ASTN2: variants seen among roughly 807,000 people sequenced by gnomAD.
ASTN2 encodes astrotactin 2.
ASTN2 carries 54 observed loss-of-function variants against 139.8 expected under a neutral mutation model. That is an observed-to-expected ratio of 0.39 (90% CI 0.31 to 0.48). The LOEUF (loss-of-function observed/expected upper bound fraction) is 0.48. ASTN2 is among the 20% of genes least tolerant of loss of function. The pLI is 0.95. For missense variants in ASTN2, 1,565 were observed against 1,725.1 expected, an observed-to-expected ratio of 0.91 and a Z score of 1.64; for synonymous variants, 756 against 719.5, an observed-to-expected ratio of 1.05 and a Z score of -0.81.
At chr9:117,042,388 A>T (rs1028822995) in intron 5 of ASTN2, among the ~76,000 whole-genome samples, 1 of 152,220 alleles carries the variant, frequency 6.6e-6, no homozygotes, top group Non-Finnish European at 1.5e-5. Context: ...ATTTAAGAAC[A>T]AGACCCTTGT....
intron 16 of ASTN2, chr9:116,700,032 T>G: frequency 2.6e-6 from 1 of 386,376 alleles, no homozygotes; most frequent in Non-Finnish European, 4.9e-6. Context: ...AATTTGCCCT[T>G]GTATTAAATC....
chr9:116,823,637 C>T (rs1220553658), intron 11 of ASTN2, among the ~76,000 whole-genome samples: 1 of 152,204 alleles, frequency 6.6e-6, no homozygotes. Flanking sequence ...ACACTCACTT[C>T]CCTTCAGGTT....
intron 2 of ASTN2, among the ~76,000 whole-genome samples, chr9:117,227,324 G>T (rs1259799535): frequency 6.6e-6 from 1 of 152,094 alleles, no homozygotes; most frequent in African/African-American, 2.4e-5. Context: ...TGTTAACTTT[G>T]TTCATGGCCT....
chr9:117,115,453 G>A (rs568708606), intron 4 of ASTN2, among the ~76,000 whole-genome samples: 38 of 152,050 alleles, frequency 2.5e-4, no homozygotes, highest in Non-Finnish European at 5.0e-4. Flanking sequence ...GGATGCAAAG[G>A]TTGAGGTTGC....
intron 16 of ASTN2, among the ~76,000 whole-genome samples, chr9:116,725,166 C>A (rs10983326): frequency 0.23 from 34,297 of 152,078 alleles, 4,158 homozygotes; most frequent in Admixed American, 0.34. Flanking sequence ...GAATAACCTT[C>A]ACAAGGTGAG....
At position 117,317,536 on chromosome 9, in the gene ASTN2, G is replaced by C. The variant is rs145373806; in HGVS notation, c.443-26023C>G. ...GGATAACTGGTTCCAAGATAGCTAA[G>C]TCTCCTGCCCATAGTTAGTTAATGG... On this transcript the variant is annotated intron_variant, in intron 1 of 22. Transcript: ENST00000313400. 9.2e-5 allele frequency among the ~76,000 whole-genome samples: 14 copies of C among 152,288 alleles called. No homozygotes were observed. In the East Asian group the frequency reaches 2.7e-3, roughly 29 times the overall value.
intron 20 of ASTN2, among the ~76,000 whole-genome samples, chr9:116,447,685 C>T (rs1051713902): frequency 6.6e-6 from 1 of 152,206 alleles, no homozygotes; most frequent in East Asian, 1.9e-4. Context: ...TATTAAAACT[C>T]ACCATGAAGG....
intron 19 of ASTN2, among the ~76,000 whole-genome samples, chr9:116,499,624 C>T (rs1849788947): frequency 6.6e-6 from 1 of 152,106 alleles, no homozygotes; most frequent in Non-Finnish European, 1.5e-5. Context: ...TCTTAGTCAC[C>T]ACCTGAGCCC....
Position 117,141,332 on chromosome 9 carries a change from A to T in ASTN2, c.1162T>A (p.Ser388Thr). The T allele has an allele frequency of 7.3e-7, 1 of 1,367,064 alleles. No homozygotes were observed. Among genetic ancestry groups the T allele is most frequent in the Non-Finnish European group, 9.8e-7 (1 of 1,021,636 alleles). The allele number at this position is 1,367,064 out of a possible 1,614,324, so 84.7% of individuals were successfully genotyped here. ...ATGTGCCAGGAGGGCCTACCTCGAG[A>T]CTTGCTCCTCCGCTTCCTCTTCCCT... ...SAGKRKRRSK[S>T]RGGISFGRAK... Residue 388 changes from serine (S) to threonine (T), a missense_variant, in exon 4 of 23, where the codon TCT becomes ACT. By Grantham distance (58) the Ser-to-Thr change is moderately conservative. Coordinates refer to ENST00000313400, the MANE Select transcript of ASTN2 (RefSeq NM_001365068.1).
At chr9:117,354,552 T>C (rs371978621) in intron 1 of ASTN2, among the ~76,000 whole-genome samples, 2 of 152,166 alleles carry the variant, frequency 1.3e-5, no homozygotes, top group African/African-American at 4.8e-5. Context: ...ATGCACTGAG[T>C]AAGTATCACA....
At chr9:116,840,946 C>T (rs1281394234) in intron 11 of ASTN2, among the ~76,000 whole-genome samples, 11 of 151,914 alleles carry the variant, frequency 7.2e-5, no homozygotes, top group African/African-American at 1.5e-4. Context: ...GGCGGCCAGG[C>T]GGAGAAGCTC....
At position 116,492,850 on chromosome 9, in the gene ASTN2, G is replaced by A. The variant is rs1408133768; in HGVS notation, c.3356-5350C>T. 5.3e-5 allele frequency among the ~76,000 whole-genome samples: 8 copies of A among 152,190 alleles called. No individual in the cohort carries two copies. The East Asian group carries it at 1.4e-3, about 26-fold the overall frequency. ...CTAATATGTCATATATTTTAACAGT[G>A]GTTTGCAGATTATAACATAGAGAAC... is the stretch of plus-strand genomic sequence containing the variant. On this transcript the variant is annotated intron_variant, in intron 19 of 22. Transcript: ENST00000313400.
intron 10 of ASTN2, among the ~76,000 whole-genome samples, chr9:116,944,135 CAA>C (rs897909589): frequency 6.6e-6 from 1 of 151,810 alleles, no homozygotes; most frequent in African/African-American, 2.4e-5. Flanking sequence ...CTCCATTTTA[CAA>C]AAAAGAGAAC....
At chr9:116,565,388 C>CTCCAT (rs1564120372) in intron 19 of ASTN2, among the ~76,000 whole-genome samples, 3 of 34,020 alleles carry the variant, frequency 8.8e-5, no homozygotes, top group Non-Finnish European at 1.5e-4. Context: ...TCTCTCTCTC[C>CTCCAT]ATATATATAT....
intron 5 of ASTN2, among the ~76,000 whole-genome samples, chr9:117,042,319 C>G (rs887216777): frequency 2.6e-5 from 4 of 152,120 alleles, no homozygotes; most frequent in African/African-American, 9.7e-5. Flanking sequence ...AAGATCCCAC[C>G]TTCATCATCT....
intron 2 of ASTN2, among the ~76,000 whole-genome samples, chr9:117,272,158 C>T (rs1834081450): frequency 6.6e-6 from 1 of 152,250 alleles, no homozygotes; most frequent in Non-Finnish European, 1.5e-5. Context: ...GGTTCCCAAA[C>T]CTCAATTCTT....
intron 13 of ASTN2, among the ~76,000 whole-genome samples, chr9:116,757,260 C>T (rs962162363): frequency 3.3e-5 from 5 of 152,196 alleles, no homozygotes; most frequent in African/African-American, 7.2e-5. Flanking sequence ...GGAGTGCCTT[C>T]CTGCTCTGTC....
At chr9:116,575,366 T>C (rs1300763157) in intron 19 of ASTN2, among the ~76,000 whole-genome samples, 1 of 151,958 alleles carries the variant, frequency 6.6e-6, no homozygotes, top group Non-Finnish European at 1.5e-5. Context: ...TATGGCACAG[T>C]CTTTCAGGGA....
At chr9:116,513,937 G>C (rs1386948251) in intron 19 of ASTN2, among the ~76,000 whole-genome samples, 1 of 151,692 alleles carries the variant, frequency 6.6e-6, no homozygotes, top group Non-Finnish European at 1.5e-5. Flanking sequence ...TCTTTGCGAT[G>C]GGTTCGAACT....
Sources: allele counts gnomAD v4.1 joint callset (sites outside exome capture counted in the v4.1 genomes callset), GRCh38; gene constraint gnomAD v4.1.1; transcripts MANE v1.5; gene names NCBI Gene and HGNC (gene_info 2026-07-23, HGNC 2026-07-21).